TNRC6B: variants seen among roughly 807,000 people sequenced by gnomAD.
TNRC6B encodes the protein trinucleotide repeat containing adaptor 6B.
Under a neutral mutation model 203.6 loss-of-function variants are expected in TNRC6B, and 52 were observed. The ratio of observed to expected loss-of-function variants is 0.26; its 90% confidence interval spans 0.20 to 0.32. The LOEUF (loss-of-function observed/expected upper bound fraction) is 0.32. Ranked by LOEUF, TNRC6B falls within the 10% of genes least tolerant of loss-of-function variation. The pLI is 1.00. For missense variants in TNRC6B, 1,923 were observed against 2,286.2 expected, an observed-to-expected ratio of 0.84 and a Z score of 3.24; for synonymous variants, 838 against 845.7, an observed-to-expected ratio of 0.99 and a Z score of 0.16.
At chr22:40,136,371 T>TGTGTGTG (rs2068599012) in intron 3 of TNRC6B, among the ~76,000 whole-genome samples, 11 of 141,168 alleles carry the variant, frequency 7.8e-5, no homozygotes, top group Middle Eastern at 7.2e-3. Flanking sequence ...TATGTTTATC[T>TGTGTGTG]TGTGTGTGTG....
intron 1 of TNRC6B, among the ~76,000 whole-genome samples, chr22:40,103,808 A>G (rs892045977): frequency 1.3e-5 from 2 of 150,802 alleles, no homozygotes; most frequent in African/African-American, 4.9e-5. Context: ...ACACTCGGCT[A>G]ATTTTTGTAT....
At chr22:40,073,078 A>G (rs2067966806) in intron 1 of TNRC6B, among the ~76,000 whole-genome samples, 1 of 151,396 alleles carries the variant, frequency 6.6e-6, no homozygotes, top group African/African-American at 2.4e-5. Context: ...AGTCCCTAAC[A>G]GGCAGTCACT....
rs569040541 is a variant in TNRC6B, at chr22:40,267,294, AT to A, written c.2806+260del. On this transcript the variant is annotated intron_variant, in intron 5 of 22. Coordinates refer to ENST00000454349, the MANE Select transcript of TNRC6B (RefSeq NM_001162501.2). ...CCCAAAATTATTTTTCTGTAATTGT[AT>A]TGGTCTGCAGAATCCAAAAGACATA... 8.5e-5 allele frequency among the ~76,000 whole-genome samples: 13 copies of A among 152,332 alleles called. No individual in the cohort carries two copies. The South Asian group carries it at 1.2e-3, about 15-fold the overall frequency.
In TNRC6B at chr22:40,266,120, G is replaced by A. The variant is rs2070475569; in HGVS notation, c.1890G>A (p.Gln630=). 1 of 1,613,958 alleles carries A rather than the reference G, an allele frequency of 6.2e-7. No homozygotes were observed. The highest frequency in any genetic ancestry group is 1.3e-5 in the African/African-American group (1 of 75,054). The change falls in exon 5 of 23, where the codon CAG becomes CAA. Residue 630 remains glutamine (Q), a synonymous_variant. Transcript: ENST00000454349. The part of the protein sequence containing the change: ...NTGWGQTQIK[Q]DTVWDIEEVP... ...GCTGGGGCCAAACTCAAATTAAGCA[G>A]GACACAGTGTGGGACATTGAAGAGG...
At chr22:40,174,824 CAAAAA>C (rs1179268276), upstream of TNRC6B, among the ~76,000 whole-genome samples, 1 of 86,764 alleles carries the variant, frequency 1.2e-5, no homozygotes, top group African/African-American at 4.4e-5. Flanking sequence ...GACTCCATCT[CAAAAA>C]AAAAAAAAAA....
chr22:40,142,493 A>G, intron 3 of TNRC6B, among the ~76,000 whole-genome samples: 1 of 152,206 alleles, frequency 6.6e-6, no homozygotes, highest in East Asian at 1.9e-4. Context: ...TAGAATGGCT[A>G]AAATAAAAAA....
At position 40,191,940 on chromosome 22, in the gene TNRC6B, G is replaced by A. The variant is rs548482143; in HGVS notation, c.5+13800G>A. Among the ~76,000 whole-genome samples the A allele has an allele frequency of 4.6e-5, 7 of 152,230 alleles. No homozygotes were observed. The East Asian group carries it at 7.7e-4, about 17-fold the overall frequency. ...TAATTTTTGTATTTTTAGTAGAGACGGGGTTTCGCCATGTTGGCCAGGCTG... is the reference window on the plus strand; with the variant it reads ...TAATTTTTGTATTTTTAGTAGAGACAGGGTTTCGCCATGTTGGCCAGGCTG... On this transcript the variant is annotated intron_variant, in intron 1 of 22. Transcript: ENST00000454349.
chr22:40,327,026 A>C lies in TNRC6B; in HGVS notation c.*3785A>C, dbSNP rs2071412011. On this transcript the variant is annotated 3_prime_UTR_variant, in exon 23 of 23. Transcript: ENST00000454349. The stretch of plus-strand genomic sequence containing the variant: ...TCCTTTCAGTTTTTGGTGATGTTGA[A>C]TTCTTTTGTATTCCCTCCTGGGGCC... 6.6e-6 allele frequency: 1 copy of C among 152,530 alleles called. No individual in the cohort carries two copies. Among genetic ancestry groups the C allele is most frequent in the African/African-American group, 2.4e-5 (1 of 41,402 alleles). The allele number at this position is 152,530 out of a possible 1,614,324, so 9.4% of individuals were successfully genotyped here.
intron 6 of TNRC6B, 122 bp from the exon 7 acceptor site, chr22:40,273,303 G>A (rs1194982859): frequency 9.0e-6 from 8 of 885,882 alleles, no homozygotes; most frequent in Non-Finnish European, 1.1e-5. Context: ...TATTTGTCTT[G>A]CCATGGAGAT....
intron 4 of TNRC6B, 78 bp from the exon 5 acceptor site, chr22:40,264,610 A>C: frequency 6.8e-7 from 1 of 1,463,174 alleles, no homozygotes; most frequent in South Asian, 1.5e-5. Flanking sequence ...GGCAGAGCTC[A>C]AAGGAGAGCC....
chr22:40,285,840 T>C, intron 12 of TNRC6B, 70 bp downstream of exon 12: 1 of 1,556,552 alleles, frequency 6.4e-7, no homozygotes, highest in South Asian at 1.2e-5. Context: ...TGTTAACTGA[T>C]TTTTGTGGGC....
chr22:40,261,283 A>G (rs1334285949), intron 3 of TNRC6B, among the ~76,000 whole-genome samples: 2 of 151,774 alleles, frequency 1.3e-5, no homozygotes, highest in East Asian at 3.9e-4. Context: ...CTCATCTCAA[A>G]AAAATAAAAA....
At chr22:40,156,267 G>C in intron 4 of TNRC6B, 6 of 1,361,936 alleles carry the variant, frequency 4.4e-6, no homozygotes, top group Non-Finnish European at 6.1e-6. Flanking sequence ...GTGTTTGTCA[G>C]AGATGTATAC....
chr22:40,126,641 A>C (rs1173277524), intron 3 of TNRC6B, among the ~76,000 whole-genome samples: 1 of 117,358 alleles, frequency 8.5e-6, no homozygotes, highest in Non-Finnish European at 1.6e-5. Context: ...CCCAGGCTGG[A>C]GTGCAGTCAT....
intron 3 of TNRC6B, chr22:40,253,769 C>G: frequency 4.4e-6 from 2 of 454,816 alleles, no homozygotes; most frequent in South Asian, 1.6e-5. Flanking sequence ...AGGTTTACAG[C>G]CACATCTTCA....
intron 1 of TNRC6B, among the ~76,000 whole-genome samples, chr22:40,096,082 C>T (rs1316054918): frequency 2.0e-5 from 3 of 152,122 alleles, no homozygotes; most frequent in Admixed American, 2.0e-4. Flanking sequence ...GACTATGAGA[C>T]CAGCTTCAGA....
At chr22:40,227,914 G>A (rs1048650775) in intron 1 of TNRC6B, among the ~76,000 whole-genome samples, 19 of 152,238 alleles carry the variant, frequency 1.2e-4, no homozygotes, top group African/African-American at 4.1e-4. Flanking sequence ...TGTGGATTCT[G>A]GTTGATAAAC....
intron 1 of TNRC6B, among the ~76,000 whole-genome samples, chr22:40,075,009 C>G (rs1298211110): frequency 2.0e-5 from 3 of 151,428 alleles, no homozygotes; most frequent in Admixed American, 6.6e-5. Flanking sequence ...CCTTTGAGAT[C>G]TGTCATGATT....
intron 1 of TNRC6B, among the ~76,000 whole-genome samples, chr22:40,223,948 A>G (rs1224539905): frequency 2.0e-5 from 3 of 152,128 alleles, no homozygotes; most frequent in Admixed American, 2.0e-4. Context: ...GTTACCACCA[A>G]ATTTTGTCTT....
Sources: gnomAD v4.1 joint callset for allele counts (sites outside exome capture counted in the v4.1 genomes callset) on GRCh38, gnomAD v4.1.1 for gene constraint, MANE v1.5 for transcripts, NCBI Gene and HGNC (gene_info 2026-07-23, HGNC 2026-07-21) for gene names.